EFL1: variants seen among roughly 807,000 people sequenced by gnomAD.
EFL1 encodes the protein elongation factor like GTPase 1, also known as elongation factor-like GTPase 1.
Under a neutral mutation model 126.7 loss-of-function variants are expected in EFL1, and 76 were observed. The observed-to-expected ratio is 0.60, with a 90% CI of 0.50 to 0.73. EFL1 has a LOEUF of 0.73. EFL1 is among the 30% of genes least tolerant of loss of function. EFL1 has a pLI of 0.00. For missense variants in EFL1, 1,128 were observed against 1,343.2 expected, an observed-to-expected ratio of 0.84 and a Z score of 2.50; for synonymous variants, 410 against 448.4, an observed-to-expected ratio of 0.91 and a Z score of 1.08.
chr15:82,171,538 C>T (rs1042420176), intron 15 of EFL1, among the ~76,000 whole-genome samples: 32 of 152,132 alleles, frequency 2.1e-4, no homozygotes, highest in African/African-American at 7.7e-4. Context: ...TGCGTCATAC[C>T]ATCTAGAAAA....
intron 8 of EFL1, among the ~76,000 whole-genome samples, chr15:82,229,579 A>G (rs1447328520): frequency 6.6e-6 from 1 of 152,246 alleles, no homozygotes; most frequent in African/African-American, 2.4e-5. Flanking sequence ...AAAAGTTAAT[A>G]GCAAGAGCAC....
chr15:82,158,555 C>A (rs1254744922), intron 16 of EFL1, among the ~76,000 whole-genome samples: 1 of 152,208 alleles, frequency 6.6e-6, no homozygotes, highest in Non-Finnish European at 1.5e-5. Context: ...TCTCTTGCAG[C>A]TGCCTTAGCA....
At chr15:82,190,209 G>A (rs2074344752) in intron 15 of EFL1, among the ~76,000 whole-genome samples, 1 of 151,058 alleles carries the variant, frequency 6.6e-6, no homozygotes, top group South Asian at 2.1e-4. Flanking sequence ...CTTCAGTATT[G>A]AATCTGTTCC....
At chr15:82,132,746 G>A (rs568788075) in intron 19 of EFL1, among the ~76,000 whole-genome samples, 112 of 135,686 alleles carry the variant, frequency 8.3e-4, no homozygotes, top group African/African-American at 2.5e-3. Flanking sequence ...GACGAGAAAC[G>A]GCAGTTAAGA....
intron 3 of EFL1, among the ~76,000 whole-genome samples, chr15:82,256,356 T>C (rs2075066565): frequency 6.6e-6 from 1 of 152,254 alleles, no homozygotes; most frequent in Non-Finnish European, 1.5e-5. Flanking sequence ...CGTATACTTC[T>C]TTTCAACAGT....
intron 3 of EFL1, among the ~76,000 whole-genome samples, chr15:82,256,451 AC>A (rs974998970): frequency 9.9e-5 from 15 of 152,022 alleles, no homozygotes; most frequent in African/African-American, 3.4e-4. Flanking sequence ...CAAAATTCAC[AC>A]TTTTTATTTT....
At chr15:82,132,497 A>G (rs1484326729) in intron 19 of EFL1, among the ~76,000 whole-genome samples, 1 of 151,782 alleles carries the variant, frequency 6.6e-6, no homozygotes, top group African/African-American at 2.4e-5. Flanking sequence ...TATCCTTTCA[A>G]AAAAGAGTCC....
chr15:82,160,130 C>A (rs28675984), intron 16 of EFL1: 54,825 of 152,088 alleles, frequency 0.36, 11,091 homozygotes, highest in African/African-American at 0.54. Context: ...TGTGTGATTC[C>A]CAAGGCTAGT....
At chr15:82,200,642 C>T (rs1216498666) in intron 15 of EFL1, among the ~76,000 whole-genome samples, 1 of 152,196 alleles carries the variant, frequency 6.6e-6, no homozygotes, top group African/African-American at 2.4e-5. Context: ...CAGGAAGAAC[C>T]AGTTAGTTTC....
chr15:82,197,264 T>C (rs1406290963), intron 15 of EFL1, among the ~76,000 whole-genome samples: 1 of 152,210 alleles, frequency 6.6e-6, no homozygotes, highest in Admixed American at 6.5e-5. Flanking sequence ...TCCACCCCTA[T>C]TCCCAGGGGA....
At chr15:82,146,986 T>C (rs1356478472) in intron 18 of EFL1, among the ~76,000 whole-genome samples, 1 of 152,020 alleles carries the variant, frequency 6.6e-6, no homozygotes, top group African/African-American at 2.4e-5. Flanking sequence ...TGACAAATGA[T>C]ATTTTGAGGT....
At chr15:82,228,905 A>G (rs767671742) in intron 9 of EFL1, 129 bp downstream of exon 9, 13 of 747,422 alleles carry the variant, frequency 1.7e-5, no homozygotes, top group Non-Finnish European at 1.9e-5. Flanking sequence ...CCTGTAATCA[A>G]CTCATCTGTA....
At chr15:82,169,189 A>G (rs965537793) in intron 15 of EFL1, among the ~76,000 whole-genome samples, 14 of 152,166 alleles carry the variant, frequency 9.2e-5, no homozygotes, top group Admixed American at 3.3e-4. Flanking sequence ...ACAGAGTAGA[A>G]TGCCTGAGTG....
At chr15:82,154,873 T>C (rs1381577849) in intron 17 of EFL1, among the ~76,000 whole-genome samples, 2 of 152,212 alleles carry the variant, frequency 1.3e-5, no homozygotes, top group African/African-American at 4.8e-5. Flanking sequence ...GCAACCCTCT[T>C]GCCTCAGCTT....
intron 15 of EFL1, among the ~76,000 whole-genome samples, chr15:82,201,993 C>A (rs2074473930): frequency 6.6e-6 from 1 of 151,766 alleles, no homozygotes; most frequent in South Asian, 2.1e-4. Context: ...GGGGCTCCAA[C>A]ATCAATGTTG....
At chr15:82,235,662 C>T (rs2074865537) in intron 7 of EFL1, among the ~76,000 whole-genome samples, 1 of 152,012 alleles carries the variant, frequency 6.6e-6, no homozygotes, top group South Asian at 2.1e-4. Context: ...ATAATAATGA[C>T]ATTCAGAAAA....
intron 15 of EFL1, among the ~76,000 whole-genome samples, chr15:82,173,133 A>G (rs1409108120): frequency 6.6e-6 from 1 of 152,132 alleles, no homozygotes; most frequent in Non-Finnish European, 1.5e-5. Context: ...ACCCTTCAAT[A>G]TCCACCAACA....
intron 2 of EFL1, among the ~76,000 whole-genome samples, chr15:82,261,330 C>T (rs185109629): frequency 6.6e-6 from 1 of 152,258 alleles, no homozygotes; most frequent in East Asian, 1.9e-4. Flanking sequence ...ACTTAACAGA[C>T]GTTTGATAAA....
intron 15 of EFL1, among the ~76,000 whole-genome samples, chr15:82,187,453 T>G (rs919318012): frequency 5.3e-5 from 8 of 152,158 alleles, no homozygotes; most frequent in African/African-American, 1.9e-4. Context: ...TTTTTATTAT[T>G]AACTTTGAGT....
Sources: gnomAD v4.1 joint callset for allele counts (sites outside exome capture counted in the v4.1 genomes callset) on GRCh38, gnomAD v4.1.1 for gene constraint, MANE v1.5 for transcripts, NCBI Gene and HGNC (gene_info 2026-07-23, HGNC 2026-07-21) for gene names.